The following STX8 variants were observed in gnomAD, a reference collection of about 807,000 sequenced individuals.
The protein encoded by STX8 is syntaxin-8.
STX8 carries 23 observed loss-of-function variants against 37.5 expected under a neutral mutation model. That is an observed-to-expected ratio of 0.61 (90% confidence interval 0.44 to 0.87). The LOEUF (loss-of-function observed/expected upper bound fraction) is 0.87. STX8 is among the 40% of genes least tolerant of loss of function. STX8 has a pLI of 0.00. For missense variants in STX8, 313 were observed against 284.7 expected, an observed-to-expected ratio of 1.10 and a Z score of -0.71; for synonymous variants, 115 against 99.1, an observed-to-expected ratio of 1.16 and a Z score of -0.95.
At chr17:9,560,101 C>A (rs1193354282) in intron 2 of STX8, among the ~76,000 whole-genome samples, 1 of 150,846 alleles carries the variant, frequency 6.6e-6, no homozygotes, top group Admixed American at 6.6e-5. Context: ...GGCTGAAAGA[C>A]TATTAAAAAC....
intron 7 of STX8, among the ~76,000 whole-genome samples, chr17:9,265,955 G>GCA (rs1405916347): frequency 6.6e-6 from 1 of 152,114 alleles, no homozygotes; most frequent in African/African-American, 2.4e-5. Flanking sequence ...TGGCTGAAAG[G>GCA]CACACACCCC....
At chr17:9,434,840 C>A (rs969150113) in intron 6 of STX8, among the ~76,000 whole-genome samples, 1 of 152,166 alleles carries the variant, frequency 6.6e-6, no homozygotes, top group Non-Finnish European at 1.5e-5. Flanking sequence ...GTTATTTAGA[C>A]CTTTTAGAAA....
At chr17:9,379,783 A>G (rs1017309080) in intron 6 of STX8, among the ~76,000 whole-genome samples, 12 of 152,084 alleles carry the variant, frequency 7.9e-5, no homozygotes, top group African/African-American at 2.9e-4. Context: ...AGCCTGACCA[A>G]CATGGTGAAA....
intron 6 of STX8, among the ~76,000 whole-genome samples, chr17:9,424,661 G>C (rs1211028456): frequency 6.6e-6 from 1 of 152,114 alleles, no homozygotes; most frequent in Non-Finnish European, 1.5e-5. Flanking sequence ...TCGAGTTACA[G>C]AATCAGCTCT....
intron 6 of STX8, among the ~76,000 whole-genome samples, chr17:9,488,800 A>AAGAGAG (rs201248571): frequency 3.5e-5 from 5 of 140,908 alleles, no homozygotes; most frequent in African/African-American, 1.3e-4. Flanking sequence ...TTAAGAGAGA[A>AAGAGAG]AGAGAGAGAG....
chr17:9,460,991 T>C (rs1405046788), intron 6 of STX8, among the ~76,000 whole-genome samples: 2 of 146,100 alleles, frequency 1.4e-5, no homozygotes, highest in Middle Eastern at 3.3e-3. Flanking sequence ...TTTTTTTCCC[T>C]GTGAGTCTCA....
intron 7 of STX8, among the ~76,000 whole-genome samples, chr17:9,268,105 C>G (rs1247462043): frequency 1.3e-5 from 2 of 152,058 alleles, no homozygotes; most frequent in South Asian, 4.2e-4. Flanking sequence ...CCCATATGCT[C>G]TCCTCTCTAG....
chr17:9,555,065 AGTT>A (rs772759829), intron 3 of STX8: 1 of 152,190 alleles, frequency 6.6e-6, no homozygotes, highest in Non-Finnish European at 1.5e-5. Flanking sequence ...TTTTAAAGAA[AGTT>A]GTTGTATTCC....
chr17:9,324,942 T>C (rs1597605192), intron 7 of STX8, among the ~76,000 whole-genome samples: 6 of 152,218 alleles, frequency 3.9e-5, no homozygotes, highest in African/African-American at 1.4e-4. Context: ...AGAAACTGAA[T>C]TTTGAATTTT....
At chr17:9,318,964 G>A (rs1453192712) in intron 7 of STX8, among the ~76,000 whole-genome samples, 1 of 152,186 alleles carries the variant, frequency 6.6e-6, no homozygotes, top group African/African-American at 2.4e-5. Context: ...GCAGAAGATA[G>A]CATGTAGAAG....
At chr17:9,474,299 T>C (rs565805921) in intron 6 of STX8, among the ~76,000 whole-genome samples, 1 of 152,148 alleles carries the variant, frequency 6.6e-6, no homozygotes, top group South Asian at 2.1e-4. Context: ...ATAGTAAGTA[T>C]AGTGCTTTCC....
chr17:9,569,096 G>A (rs1006154546), intron 1 of STX8, among the ~76,000 whole-genome samples: 6 of 152,200 alleles, frequency 3.9e-5, no homozygotes, highest in African/African-American at 1.4e-4. Flanking sequence ...AACCAAGGCC[G>A]TCTGGCCCCA....
chr17:9,524,507 T>C (rs955095929), intron 4 of STX8, among the ~76,000 whole-genome samples: 1 of 152,130 alleles, frequency 6.6e-6, no homozygotes, highest in Non-Finnish European at 1.5e-5. Context: ...CATGACTTAC[T>C]TCCCCGAAGG....
At chr17:9,358,616 T>C (rs1382220661) in intron 7 of STX8, among the ~76,000 whole-genome samples, 1 of 152,104 alleles carries the variant, frequency 6.6e-6, no homozygotes, top group Non-Finnish European at 1.5e-5. Flanking sequence ...CCATGTTCGG[T>C]GACACATTGA....
At chr17:9,335,191 A>G (rs1286907573) in intron 7 of STX8, among the ~76,000 whole-genome samples, 1 of 152,226 alleles carries the variant, frequency 6.6e-6, no homozygotes, top group Non-Finnish European at 1.5e-5. Flanking sequence ...ATAGGGGAAC[A>G]ACACAGCAGC....
intron 4 of STX8, among the ~76,000 whole-genome samples, chr17:9,522,637 A>G (rs1271447821): frequency 6.6e-6 from 1 of 151,654 alleles, no homozygotes. Flanking sequence ...GCGTGAACCC[A>G]GGAGGCGGAG....
At chr17:9,485,405 T>C (rs1906545253) in intron 6 of STX8, among the ~76,000 whole-genome samples, 1 of 152,082 alleles carries the variant, frequency 6.6e-6, no homozygotes, top group South Asian at 2.1e-4. Context: ...ATGACATATA[T>C]ACACATACCT....
At chr17:9,379,244 C>CAAA (rs34928127) in intron 6 of STX8, among the ~76,000 whole-genome samples, 1 of 76,656 alleles carries the variant, frequency 1.3e-5, no homozygotes, top group Non-Finnish European at 2.6e-5. Context: ...GACTCCATCT[C>CAAA]AAAAAAAAAA....
In STX8 at chr17:9,400,106, A is replaced by T. The variant is rs374273328; in HGVS notation, c.542-21453T>A. On this transcript the variant is annotated intron_variant, in intron 6 of 7. Transcript: ENST00000306357. Reference sequence around the variant, plus strand: ...TTTATTTATTTAATTTGTTGTTATTATTTTTTTTTTTTTTGAGACGGAGTC... The same window carrying T: ...TTTATTTATTTAATTTGTTGTTATTTTTTTTTTTTTTTTTGAGACGGAGTC... Among the ~76,000 whole-genome samples, 458 of 138,068 alleles carry T rather than the reference A, an allele frequency of 3.3e-3. 3 individuals carry two copies. Among genetic ancestry groups the T allele is most frequent in the African/African-American group, 0.012 (424 of 36,354 alleles). 90.6% of individuals were successfully genotyped at this position (138,068 alleles called of 152,430 possible).
Sources: allele counts gnomAD v4.1 joint callset (sites outside exome capture counted in the v4.1 genomes callset), GRCh38; gene constraint gnomAD v4.1.1; transcripts MANE v1.5; gene names NCBI Gene and HGNC (gene_info 2026-07-23, HGNC 2026-07-21).